Variants in AOPEP observed in about 807,000 individuals in gnomAD.
AOPEP encodes the protein aminopeptidase O.
In AOPEP, 77 loss-of-function variants were observed where a neutral mutation model predicts 98.1. The observed-to-expected ratio is 0.78, with a 90% CI of 0.65 to 0.95. The LOEUF is 0.95. Among genes scored for constraint, AOPEP ranks in the 40% least tolerant of loss-of-function variants. AOPEP has a pLI of 0.00. For synonymous variants in AOPEP, 346 were observed against 365.3 expected (o/e 0.95, Z 0.60); for missense variants, 1,024 against 1,024.7 (o/e 1.00, Z 0.01).
At chr9:95,007,770 T>G (rs1408544181) in intron 13 of AOPEP, among the ~76,000 whole-genome samples, 1 of 152,202 alleles carries the variant, frequency 6.6e-6, no homozygotes, top group African/African-American at 2.4e-5. Context: ...AGGAGAAGAT[T>G]CAGAGCTTGC....
At chr9:94,958,986 T>C (rs1370061347) in intron 9 of AOPEP, among the ~76,000 whole-genome samples, 1 of 152,160 alleles carries the variant, frequency 6.6e-6, no homozygotes, top group African/African-American at 2.4e-5. Flanking sequence ...CTATGTTTTT[T>C]TTTTAAGAGT....
At chr9:94,903,891 C>CCAA (rs2050762803) in intron 5 of AOPEP, among the ~76,000 whole-genome samples, 2 of 4,040 alleles carry the variant, frequency 5.0e-4, no homozygotes, top group African/African-American at 1.7e-3. Flanking sequence ...GAGACTCTGT[C>CCAA]TAAAAAAAAA....
chr9:94,851,424 G>T (rs991260105), intron 5 of AOPEP, among the ~76,000 whole-genome samples: 2 of 152,146 alleles, frequency 1.3e-5, no homozygotes, highest in African/African-American at 4.8e-5. Context: ...TTATGTGTCA[G>T]TATGCATAGG....
At chr9:94,927,284 A>G (rs1291679252) in intron 6 of AOPEP, among the ~76,000 whole-genome samples, 3 of 152,176 alleles carry the variant, frequency 2.0e-5, no homozygotes, top group African/African-American at 7.2e-5. Context: ...TGAAAGCCTT[A>G]TCTCCAAATA....
chr9:94,973,634 C>G (rs2059661344), intron 10 of AOPEP, among the ~76,000 whole-genome samples: 1 of 152,216 alleles, frequency 6.6e-6, no homozygotes, highest in Non-Finnish European at 1.5e-5. Flanking sequence ...GGCAAAGCCA[C>G]CTGCTGTTCC....
chr9:94,801,692 G>T (rs1319626850), intron 5 of AOPEP, among the ~76,000 whole-genome samples: 1 of 152,144 alleles, frequency 6.6e-6, no homozygotes, highest in Non-Finnish European at 1.5e-5. Context: ...TCATTAATGG[G>T]TATCTGTGTT....
At chr9:94,747,769 G>A (rs672012) in intron 1 of AOPEP, among the ~76,000 whole-genome samples, 33,128 of 152,074 alleles carry the variant, frequency 0.22, 5,083 homozygotes, top group African/African-American at 0.43. Context: ...GCTGAAAGAA[G>A]AGTGCTGAAG....
At chr9:94,825,402 C>G (rs907526713) in intron 5 of AOPEP, among the ~76,000 whole-genome samples, 1 of 152,208 alleles carries the variant, frequency 6.6e-6, no homozygotes, top group Non-Finnish European at 1.5e-5. Context: ...TAGCCAGTCC[C>G]GGAATTTCTT....
intron 1 of AOPEP, among the ~76,000 whole-genome samples, chr9:94,731,977 G>A (rs564616971): frequency 1.3e-3 from 194 of 151,774 alleles, no homozygotes; most frequent in Non-Finnish European, 1.7e-3. Context: ...TAGAGGTGGC[G>A]TTTCACCATG....
At chr9:95,113,211 T>A in the AOPEP span, among the ~76,000 whole-genome samples, 2 of 152,024 alleles carry the variant, frequency 1.3e-5, no homozygotes, top group Non-Finnish European at 2.9e-5. Flanking sequence ...AGAATCATGG[T>A]GAGGAAGGAG....
At chr9:94,743,193 A>AGAAGAAGAAGAAGAGGAAGAAGAG (rs1554695832) in intron 1 of AOPEP, among the ~76,000 whole-genome samples, 26 of 121,994 alleles carry the variant, frequency 2.1e-4, no homozygotes, top group Non-Finnish European at 3.8e-4. Context: ...AAGAAGAAGA[A>AGAAGAAGAAGAAGAGGAAGAAGAG]GAAGAAGAGG....
At chr9:95,079,674 C>T (rs1015839904) in intron 14 of AOPEP, among the ~76,000 whole-genome samples, 2 of 152,216 alleles carry the variant, frequency 1.3e-5, no homozygotes, top group South Asian at 2.1e-4. Flanking sequence ...GTCCAGAGGG[C>T]GGCCAGGGCT....
At position 95,074,872 on chromosome 9, in the gene AOPEP, G is replaced by A. The variant is rs1268287936; in HGVS notation, c.2233-5822G>A. ...TTGTCTGCTGCCCAGCGTCAGCACCGGCAGCGGCAGAGGGAAGAGATGAGC... is the reference window on the plus strand; with the variant it reads ...TTGTCTGCTGCCCAGCGTCAGCACCAGCAGCGGCAGAGGGAAGAGATGAGC... On this transcript the variant is annotated intron_variant, in intron 14 of 16. Transcript: ENST00000375315. Among the ~76,000 whole-genome samples the A allele has an allele frequency of 5.3e-5, 8 of 152,308 alleles. No individual in the cohort carries two copies. In the East Asian group the frequency reaches 5.8e-4, roughly 11 times the overall value.
chr9:94,975,423 C>T lies in AOPEP; in HGVS notation c.1917-3944C>T, dbSNP rs190014320. ...TTTATTTGTTTCACTTTTAGTGCCA[C>T]GGTAGAATAGTGTCTGTGTGTGCAA... On this transcript the variant is annotated intron_variant, in intron 10 of 16. Coordinates refer to ENST00000375315, the MANE Select transcript of AOPEP (RefSeq NM_001193329.3). Among the ~76,000 whole-genome samples the T allele has an allele frequency of 8.5e-5, 13 of 152,256 alleles. No individual in the cohort carries two copies. The East Asian group carries it at 2.3e-3, about 27-fold the overall frequency.
chr9:94,981,818 T>C (rs1383606812), intron 11 of AOPEP, among the ~76,000 whole-genome samples: 1 of 152,220 alleles, frequency 6.6e-6, no homozygotes, highest in East Asian at 1.9e-4. Context: ...CTACCAGCAA[T>C]TGAAGTCATT....
chr9:94,910,039 C>T (rs1485832852), intron 5 of AOPEP, among the ~76,000 whole-genome samples: 3 of 152,206 alleles, frequency 2.0e-5, no homozygotes, highest in South Asian at 4.1e-4. Context: ...TCCCCCATTT[C>T]GGTTGCGGCA....
chr9:94,915,949 G>A (rs1268890232), intron 5 of AOPEP, among the ~76,000 whole-genome samples: 1 of 152,224 alleles, frequency 6.6e-6, no homozygotes, highest in Non-Finnish European at 1.5e-5. Context: ...AAGCAAAGCA[G>A]TCACCAAACT....
At chr9:94,949,073 C>G (rs1157797561) in intron 7 of AOPEP, among the ~76,000 whole-genome samples, 1 of 152,332 alleles carries the variant, frequency 6.6e-6, no homozygotes, top group South Asian at 2.1e-4. Flanking sequence ...CTCCGTTTTT[C>G]TCTGTCTCTT....
At chr9:94,878,326 A>T (rs2047201798) in intron 5 of AOPEP, among the ~76,000 whole-genome samples, 1 of 150,266 alleles carries the variant, frequency 6.7e-6, no homozygotes, top group Non-Finnish European at 1.5e-5. Context: ...GTGTTCTAAG[A>T]GTCTGAAGGG....
Sources: allele counts gnomAD v4.1 joint callset (sites outside exome capture counted in the v4.1 genomes callset), GRCh38; gene constraint gnomAD v4.1.1; transcripts MANE v1.5; gene names NCBI Gene and HGNC (gene_info 2026-07-23, HGNC 2026-07-21).